Variants in SATB1 observed in about 807,000 individuals in gnomAD.
SATB1 encodes the protein DNA-binding protein SATB1.
SATB1 carries 11 observed loss-of-function variants against 86.9 expected under a neutral mutation model. The observed-to-expected ratio is 0.13, with a 90% CI of 0.08 to 0.21. SATB1 has a LOEUF of 0.21. Among genes scored for constraint, SATB1 ranks in the 10% least tolerant of loss-of-function variants. The pLI, the probability that SATB1 is intolerant of heterozygous loss-of-function variation, is 1.00. For missense variants in SATB1, 551 were observed against 937.6 expected (o/e 0.59, Z 5.39); for synonymous variants, 357 against 357.2 (o/e 1.00, Z 0.01).
intron 9 of SATB1, among the ~76,000 whole-genome samples, chr3:18,364,006 C>A (rs1252047653): frequency 2.0e-5 from 3 of 152,118 alleles, no homozygotes; most frequent in Non-Finnish European, 4.4e-5. Context: ...TCATTGTTAC[C>A]TCTGTTTACA....
intron 5 of SATB1, among the ~76,000 whole-genome samples, chr3:18,400,422 T>C (rs557875262): frequency 2.4e-4 from 36 of 152,198 alleles, no homozygotes; most frequent in Non-Finnish European, 4.3e-4. Context: ...TTGGGTCAAA[T>C]AGTTGACCAT....
Position 18,406,082 on chromosome 3 carries a change from T to C in SATB1, c.640-8792A>G, listed in dbSNP as rs1013204191. 2.6e-5 allele frequency among the ~76,000 whole-genome samples: 4 copies of C among 152,010 alleles called. No individual in the cohort carries two copies. In the East Asian group the frequency reaches 5.8e-4, roughly 22 times the overall value. ...AAAGAGCTCCATCCATCACTAAACA[T>C]GTGTTTTCCAGGCTGAGCTGGTGAT... is the stretch of plus-strand genomic sequence containing the variant. On this transcript the variant is annotated intron_variant, in intron 5 of 10. Transcript: ENST00000338745.
chr3:18,390,861 G>A (rs1696623507), intron 7 of SATB1, among the ~76,000 whole-genome samples: 1 of 152,110 alleles, frequency 6.6e-6, no homozygotes, highest in Admixed American at 6.6e-5. Context: ...GTATTTGCAT[G>A]TATCAGAACC....
At chr3:18,380,228 C>T (rs1459182129) in intron 8 of SATB1, among the ~76,000 whole-genome samples, 3 of 152,142 alleles carry the variant, frequency 2.0e-5, no homozygotes, top group African/African-American at 7.2e-5. Context: ...ATGGGGGCAC[C>T]AAGTCCAGTG....
chr3:18,346,961 T>A lies in SATB1; in HGVS notation c.*2209A>T, dbSNP rs566947796. The A allele has an allele frequency of 3.3e-5, 5 of 152,286 alleles. No individual in the cohort carries two copies. Among genetic ancestry groups the A allele is most frequent in the Middle Eastern group, 3.4e-3 (1 of 294 alleles). 9.4% of individuals were successfully genotyped at this position (152,286 alleles called of 1,614,324 possible). On this transcript the variant is annotated 3_prime_UTR_variant, in exon 11 of 11. Coordinates refer to ENST00000338745, the MANE Select transcript of SATB1 (RefSeq NM_002971.6). ...GAACTCTAGTGAGCCAGAATGTTTGTTTTCTTACTAAATAAAAAGTGGCAA... is the reference window on the plus strand; with the variant it reads ...GAACTCTAGTGAGCCAGAATGTTTGATTTCTTACTAAATAAAAAGTGGCAA...
intron 7 of SATB1, among the ~76,000 whole-genome samples, chr3:18,391,075 G>C (rs768525225): frequency 2.0e-5 from 3 of 152,058 alleles, no homozygotes; most frequent in Middle Eastern, 3.4e-3. Context: ...CTTAAAACAA[G>C]TAACTATATA....
At chr3:18,432,686 C>A (rs1183646897) in intron 2 of SATB1, among the ~76,000 whole-genome samples, 1 of 151,546 alleles carries the variant, frequency 6.6e-6, no homozygotes, top group Non-Finnish European at 1.5e-5. Flanking sequence ...GAGTTGGAAA[C>A]AAACTGTGGT....
At chr3:18,434,408 ACATAG>A (rs1490299263) in intron 2 of SATB1, among the ~76,000 whole-genome samples, 2 of 151,834 alleles carry the variant, frequency 1.3e-5, no homozygotes, top group East Asian at 3.9e-4. Context: ...TAAAATATAC[ACATAG>A]CATAACATTT....
intron 8 of SATB1, among the ~76,000 whole-genome samples, chr3:18,380,845 CTACTAAG>C (rs562437500): frequency 2.1e-4 from 32 of 152,264 alleles, no homozygotes; most frequent in Non-Finnish European, 3.8e-4. Flanking sequence ...ATACCTCACT[CTACTAAG>C]TACTATTTTA....
rs893976308 is a variant in SATB1 at position 18,352,184 on chromosome 3, G to A, written c.1587C>T (p.Cys529=). 9.9e-6 allele frequency: 16 copies of A among 1,614,102 alleles called. 1 individual carries two copies. Among genetic ancestry groups the A allele is most frequent in the Middle Eastern group, 1.7e-4 (1 of 6,034 alleles). The stretch of plus-strand genomic sequence containing the variant: ...GATCTTCTTTCCAGCGTAACAGCTC[G>A]CACAACCATCCCTTAGAGACAAGGG... ...VAATKSQGWL[C]ELLRWKEDPS... is the part of the protein sequence containing the mutation. The change falls in exon 10 of 11, where the codon TGC becomes TGT. Residue 529 remains cysteine, a synonymous_variant. Coordinates refer to ENST00000338745, the MANE Select transcript of SATB1 (RefSeq NM_002971.6). The surrounding 1 kb of genome is among the most constrained non-coding windows in gnomAD (Gnocchi z 4.1).
intron 8 of SATB1, among the ~76,000 whole-genome samples, chr3:18,383,332 T>C (rs1157000384): frequency 6.6e-6 from 1 of 152,192 alleles, no homozygotes; most frequent in African/African-American, 2.4e-5. Flanking sequence ...ATAGTTTAGG[T>C]CCTTGTTATG....
At chr3:18,358,990 G>T (rs1694783892) in intron 9 of SATB1, among the ~76,000 whole-genome samples, 1 of 151,820 alleles carries the variant, frequency 6.6e-6, no homozygotes, top group Admixed American at 6.6e-5. Flanking sequence ...GTTTCTAAAG[G>T]TTACACAGAA....
intron 9 of SATB1, among the ~76,000 whole-genome samples, chr3:18,359,664 G>A (rs768454932): frequency 2.0e-5 from 3 of 150,958 alleles, no homozygotes; most frequent in African/African-American, 4.9e-5. Context: ...AAATGTTCCC[G>A]TTTTTTTTCT....
At chr3:18,357,796 T>A (rs1326861317) in intron 9 of SATB1, among the ~76,000 whole-genome samples, 1 of 151,902 alleles carries the variant, frequency 6.6e-6, no homozygotes. Flanking sequence ...TCTATTTTCA[T>A]ATGTTTTATG....
In SATB1 at chr3:18,386,842, G is replaced by T. The variant is rs942850382; in HGVS notation, c.1207-231C>A. 6.6e-6 allele frequency among the ~76,000 whole-genome samples: 1 copy of T among 152,110 alleles called. No individual in the cohort carries two copies. Among genetic ancestry groups the T allele is most frequent in the Non-Finnish European group, 1.5e-5 (1 of 68,024 alleles). ...TAACATAAACTGAAACTGCCTAATT[G>T]GTCTCCTTCCTTTGAGTAGCTTAAC... On this transcript the variant is annotated intron_variant, in intron 7 of 10. Transcript: ENST00000338745. The surrounding 1 kb of genome is among the most constrained non-coding windows in gnomAD (Gnocchi z 4.5).
intron 10 of SATB1, chr3:18,351,007 T>C: frequency 2.8e-6 from 1 of 361,454 alleles, no homozygotes. Flanking sequence ...AAAAATAAGC[T>C]ATACAACTCA....
intron 5 of SATB1, among the ~76,000 whole-genome samples, chr3:18,399,772 ATTCC>A (rs1398712732): frequency 6.6e-6 from 1 of 152,102 alleles, no homozygotes; most frequent in Non-Finnish European, 1.5e-5. Flanking sequence ...AACTTTTTGG[ATTCC>A]CTATCTTTTT....
rs149460094 is a variant in SATB1, at chr3:18,370,825, A to C, written c.1575+7345T>G. ...GAGCATGCTCTACCTTGCCACTGGA[A>C]TATGCCAAGCGCTGTCACAGATGGC... On this transcript the variant is annotated intron_variant, in intron 9 of 10. Transcript: ENST00000338745. Among the ~76,000 whole-genome samples the C allele has an allele frequency of 3.1e-3, 465 of 152,340 alleles. 1 individual carries two copies. Among genetic ancestry groups the C allele is most frequent in the African/African-American group, 0.01 (426 of 41,586 alleles).
intron 1 of SATB1, chr3:18,445,143 G>A (rs1699356701): frequency 2.3e-6 from 2 of 869,598 alleles, no homozygotes; most frequent in Non-Finnish European, 2.8e-6. Flanking sequence ...CCGCTTCGGA[G>A]CTTGTGCGGC....
Sources: allele counts gnomAD v4.1 joint callset (sites outside exome capture counted in the v4.1 genomes callset), GRCh38; gene constraint gnomAD v4.1.1; non-coding constraint Gnocchi (gnomAD v3.1); transcripts MANE v1.5; gene names NCBI Gene and HGNC (gene_info 2026-07-23, HGNC 2026-07-21).